The following RAB31 variants were observed in gnomAD, a reference collection of about 807,000 sequenced individuals.
RAB31 encodes the protein RAB31, member RAS oncogene family, also known as ras-related protein Rab-31.
Under a neutral mutation model 25.6 loss-of-function variants are expected in RAB31, and 21 were observed. The ratio of observed to expected loss-of-function variants is 0.82; its 90% confidence interval spans 0.58 to 1.18. RAB31 has a LOEUF of 1.18. RAB31 is among the 50% of genes most tolerant of loss of function. RAB31 has a pLI of 0.00. For missense variants in RAB31, 196 were observed against 250.1 expected, an observed-to-expected ratio of 0.78 and a Z score of 1.46; for synonymous variants, 87 against 84.0, an observed-to-expected ratio of 1.04 and a Z score of -0.20.
At chr18:9,841,038 C>T (rs1031552457) in intron 5 of RAB31, among the ~76,000 whole-genome samples, 1 of 152,142 alleles carries the variant, frequency 6.6e-6, no homozygotes, top group African/African-American at 2.4e-5. Context: ...AAGCGATCTT[C>T]CCATCTCAGT....
chr18:9,840,749 T>C (rs2068729360), intron 5 of RAB31, among the ~76,000 whole-genome samples: 1 of 152,134 alleles, frequency 6.6e-6, no homozygotes, highest in East Asian at 1.9e-4. Flanking sequence ...GAGCTGCAAG[T>C]TTCTGGTATC....
chr18:9,778,048 C>T (rs150061353), intron 2 of RAB31, among the ~76,000 whole-genome samples: 289 of 152,222 alleles, frequency 1.9e-3, no homozygotes, highest in African/African-American at 5.8e-3. Flanking sequence ...CCACTGCACC[C>T]GGCCTGTAAT....
chr18:9,727,978 G>C lies in RAB31; in HGVS notation c.39+19534G>C, dbSNP rs372033760. 6.6e-3 allele frequency among the ~76,000 whole-genome samples: 999 copies of C among 152,250 alleles called. 15 individuals carry two copies. Among genetic ancestry groups the C allele is most frequent in the African/African-American group, 0.022 (932 of 41,542 alleles). On this transcript the variant is annotated intron_variant, in intron 1 of 6. Coordinates refer to ENST00000578921, the MANE Select transcript of RAB31 (RefSeq NM_006868.4). ...TAGCAAATAGATCAGTCTTTTTAAA[G>C]TTGTTTTTAATGACTAAACTTAATG...
chr18:9,748,171 G>A (rs1398075399), intron 1 of RAB31, among the ~76,000 whole-genome samples: 1 of 152,178 alleles, frequency 6.6e-6, no homozygotes, highest in Admixed American at 6.5e-5. Context: ...AATTTTGAGG[G>A]ACAGCAGTGT....
chr18:9,829,183 C>T (rs1426985176), intron 5 of RAB31, among the ~76,000 whole-genome samples: 1 of 152,176 alleles, frequency 6.6e-6, no homozygotes, highest in Admixed American at 6.5e-5. Context: ...CAATCGTATC[C>T]TCTTCTCTCC....
chr18:9,713,821 C>T (rs1008952424), intron 1 of RAB31, among the ~76,000 whole-genome samples: 4 of 152,280 alleles, frequency 2.6e-5, no homozygotes, highest in South Asian at 2.1e-4. Flanking sequence ...GGTGAGGGCT[C>T]GATTTCTGGT....
At chr18:9,746,174 A>C (rs1294262698) in intron 1 of RAB31, among the ~76,000 whole-genome samples, 2 of 152,240 alleles carry the variant, frequency 1.3e-5, no homozygotes, top group African/African-American at 4.8e-5. Flanking sequence ...AGCATTTAGA[A>C]GAATAACATT....
At chr18:9,788,617 G>A (rs182632441) in intron 2 of RAB31, among the ~76,000 whole-genome samples, 1 of 152,306 alleles carries the variant, frequency 6.6e-6, no homozygotes, top group African/African-American at 2.4e-5. Flanking sequence ...ATTTATTGCT[G>A]CACTATCCAC....
chr18:9,844,352 G>A (rs1463941720), intron 5 of RAB31, among the ~76,000 whole-genome samples: 5 of 152,126 alleles, frequency 3.3e-5, no homozygotes, highest in Admixed American at 1.3e-4. Context: ...AATAATCTCC[G>A]GGAATGTGTG....
chr18:9,731,032 G>A (rs2068120421), intron 1 of RAB31, among the ~76,000 whole-genome samples: 1 of 152,220 alleles, frequency 6.6e-6, no homozygotes, highest in Admixed American at 6.5e-5. Flanking sequence ...CACAGGGTGA[G>A]TGAATGCTCT....
chr18:9,826,562 T>G (rs2068650914), intron 5 of RAB31, among the ~76,000 whole-genome samples: 1 of 152,182 alleles, frequency 6.6e-6, no homozygotes, highest in African/African-American at 2.4e-5. Flanking sequence ...GGGTTCAAAT[T>G]AATATGAGGC....
intron 5 of RAB31, among the ~76,000 whole-genome samples, chr18:9,825,142 C>A (rs1367776482): frequency 6.6e-6 from 1 of 152,190 alleles, no homozygotes; most frequent in African/African-American, 2.4e-5. Flanking sequence ...AAAATAAGAA[C>A]CTCAAATGGA....
At chr18:9,740,765 GTGC>G (rs1196645544) in intron 1 of RAB31, among the ~76,000 whole-genome samples, 1 of 152,082 alleles carries the variant, frequency 6.6e-6, no homozygotes, top group Non-Finnish European at 1.5e-5. Flanking sequence ...AGATCATACT[GTGC>G]TCACACATCT....
intron 6 of RAB31, among the ~76,000 whole-genome samples, chr18:9,852,456 G>A (rs1268934645): frequency 6.6e-6 from 1 of 152,152 alleles, no homozygotes; most frequent in African/African-American, 2.4e-5. Context: ...GGATTAGTTG[G>A]TATGTCTTTT....
chr18:9,795,960 A>G (rs1271311476), intron 3 of RAB31, among the ~76,000 whole-genome samples: 1 of 152,218 alleles, frequency 6.6e-6, no homozygotes, highest in Non-Finnish European at 1.5e-5. Context: ...TTGCAGTTGT[A>G]AAAATATGGA....
chr18:9,834,198 C>G (rs557894663), intron 5 of RAB31, among the ~76,000 whole-genome samples: 1 of 152,274 alleles, frequency 6.6e-6, no homozygotes, highest in African/African-American at 2.4e-5. Flanking sequence ...TCCCTGCAAC[C>G]TGCGCCTCCC....
intron 3 of RAB31, among the ~76,000 whole-genome samples, chr18:9,803,737 T>C (rs1434390913): frequency 1.3e-5 from 2 of 152,164 alleles, no homozygotes; most frequent in African/African-American, 4.8e-5. Context: ...AAATTGGTGC[T>C]GGAAACTACA....
chr18:9,745,963 G>A (rs2145475292), intron 1 of RAB31, among the ~76,000 whole-genome samples: 1 of 152,324 alleles, frequency 6.6e-6, no homozygotes, highest in African/African-American at 2.4e-5. Flanking sequence ...TCTGAATAGA[G>A]AAGAAAGAAG....
chr18:9,858,927 A>G (rs984288213), intron 6 of RAB31, among the ~76,000 whole-genome samples: 8 of 152,096 alleles, frequency 5.3e-5, no homozygotes, highest in Admixed American at 5.2e-4. Flanking sequence ...GCTGGATGGG[A>G]GCTGCCCCCA....
Sources: allele counts gnomAD v4.1 joint callset (sites outside exome capture counted in the v4.1 genomes callset), GRCh38; gene constraint gnomAD v4.1.1; transcripts MANE v1.5; gene names NCBI Gene and HGNC (gene_info 2026-07-23, HGNC 2026-07-21).